Variants in TMOD1 observed in about 807,000 individuals in gnomAD.
TMOD1 encodes the protein tropomodulin 1.
In TMOD1, 17 loss-of-function variants were observed where a neutral mutation model predicts 40.6. That is an observed-to-expected ratio of 0.42 (90% confidence interval 0.29 to 0.63). TMOD1 has a LOEUF of 0.63. TMOD1 is among the 20% of genes least tolerant of loss of function. The probability of loss-of-function intolerance (pLI) is 0.22; values close to 1 mark genes in which losing one functional copy is unlikely to be tolerated. For synonymous variants in TMOD1, 181 were observed against 175.0 expected (o/e 1.03, Z -0.27); for missense variants, 391 against 447.6 (o/e 0.87, Z 1.14).
intron 8 of TMOD1, among the ~76,000 whole-genome samples, chr9:97,582,183 G>A (rs1374451420): frequency 6.6e-6 from 1 of 151,208 alleles, no homozygotes; most frequent in African/African-American, 2.4e-5. Flanking sequence ...TGTAGAAGGT[G>A]TAAGGAAGGG....
At position 97,548,060 on chromosome 9, in the gene TMOD1, C is replaced by T. The variant is rs144321332; in HGVS notation, c.277+1719C>T. Among the ~76,000 whole-genome samples, 215 of 152,236 alleles carry T rather than the reference C, an allele frequency of 1.4e-3. 1 individual carries two copies. Among genetic ancestry groups the T allele is most frequent in the Non-Finnish European group, 2.1e-3 (143 of 68,022 alleles). The stretch of plus-strand genomic sequence containing the variant: ...TTTTGTTCCTGGCACCTAATAAATC[C>T]GTAGCACATAGAAGGCACCTAATAA... On this transcript the variant is annotated intron_variant, in intron 3 of 9. Coordinates refer to ENST00000259365, the MANE Select transcript of TMOD1 (RefSeq NM_003275.4).
intron 5 of TMOD1, 101 bp downstream of exon 5, chr9:97,562,922 C>G (rs541950349): frequency 9.9e-5 from 90 of 906,492 alleles, no homozygotes; most frequent in Non-Finnish European, 1.5e-4. Context: ...TGTTATATAG[C>G]CAAATCTGTT....
chr9:97,570,523 CT>C (rs1022315656), intron 8 of TMOD1, among the ~76,000 whole-genome samples: 22 of 147,028 alleles, frequency 1.5e-4, no homozygotes, highest in Non-Finnish European at 1.5e-4. Context: ...TGCATCAGGG[CT>C]TTTTTTTTTT....
At chr9:97,533,895 C>T (rs978371062) in intron 2 of TMOD1, among the ~76,000 whole-genome samples, 4 of 152,210 alleles carry the variant, frequency 2.6e-5, no homozygotes, top group African/African-American at 9.7e-5. Flanking sequence ...CAATCTAGGG[C>T]TGGGATGGAG....
chr9:97,600,213 G>A lies in TMOD1; in HGVS notation c.*515G>A. Reference sequence around the variant, plus strand: ...ATTAAAGTTGCCAAATTGATTACTGGATCCAGAACACAATTTTCCCCTCAG... The same window carrying A: ...ATTAAAGTTGCCAAATTGATTACTGAATCCAGAACACAATTTTCCCCTCAG... On this transcript the variant is annotated 3_prime_UTR_variant, in exon 10 of 10. Coordinates refer to ENST00000259365, the MANE Select transcript of TMOD1 (RefSeq NM_003275.4). The A allele has an allele frequency of 1.0e-6, 1 of 994,418 alleles. No homozygotes were observed. Among genetic ancestry groups the A allele is most frequent in the East Asian group, 1.1e-4 (1 of 9,494 alleles). 61.6% of individuals were successfully genotyped at this position (994,418 alleles called of 1,614,324 possible). A position where few individuals can be genotyped will look rare whatever the true frequency, so the allele number is the denominator to read the frequency against.
intron 3 of TMOD1, among the ~76,000 whole-genome samples, chr9:97,548,773 C>G (rs1170466960): frequency 6.6e-6 from 1 of 152,208 alleles, no homozygotes. Flanking sequence ...CATACAGCAA[C>G]AAGCCCAAAA....
At chr9:97,577,664 A>G (rs1221340090) in intron 8 of TMOD1, among the ~76,000 whole-genome samples, 1 of 152,080 alleles carries the variant, frequency 6.6e-6, no homozygotes, top group Non-Finnish European at 1.5e-5. Flanking sequence ...GGTGCTACTC[A>G]GGAGGCTGAG....
intron 1 of TMOD1, among the ~76,000 whole-genome samples, chr9:97,511,336 T>G (rs1829694049): frequency 6.6e-6 from 1 of 152,170 alleles, no homozygotes; most frequent in South Asian, 2.1e-4. Context: ...CTGTTAACAA[T>G]AGCTGGTCTC....
chr9:97,554,072 C>T (rs554566602), intron 4 of TMOD1, among the ~76,000 whole-genome samples: 2 of 152,034 alleles, frequency 1.3e-5, no homozygotes, highest in African/African-American at 4.8e-5. Context: ...TGGCCACATC[C>T]GGCACCTTGT....
chr9:97,509,839 C>G (rs752294871), intron 1 of TMOD1, among the ~76,000 whole-genome samples: 55 of 152,146 alleles, frequency 3.6e-4, no homozygotes, highest in African/African-American at 1.0e-3. Context: ...GAACTGATAT[C>G]TCCTTCCACA....
chr9:97,555,523 ATTG>A, intron 4 of TMOD1: 1 of 1,460,978 alleles, frequency 6.8e-7, no homozygotes, highest in South Asian at 1.5e-5. Flanking sequence ...GTGGCTATTT[ATTG>A]TTATCTGTAA....
intron 2 of TMOD1, among the ~76,000 whole-genome samples, chr9:97,528,553 A>G (rs1830050789): frequency 1.3e-5 from 2 of 152,252 alleles, no homozygotes. Context: ...TTTGCAAGAC[A>G]GTATGTGAGC....
chr9:97,522,164 CA>C (rs1165445046), intron 1 of TMOD1, among the ~76,000 whole-genome samples: 3 of 152,220 alleles, frequency 2.0e-5, no homozygotes, highest in African/African-American at 7.2e-5. Flanking sequence ...GCTTAAATAA[CA>C]GAAACGTACT....
chr9:97,574,683 T>G (rs1233001561), intron 8 of TMOD1, among the ~76,000 whole-genome samples: 2 of 152,354 alleles, frequency 1.3e-5, no homozygotes, highest in Non-Finnish European at 2.9e-5. Flanking sequence ...GGCTAAGGGA[T>G]GGCAAATCCA....
Position 97,600,954 on chromosome 9 carries a change from A to C in TMOD1, c.*1256A>C, listed in dbSNP as rs762701432. On this transcript the variant is annotated 3_prime_UTR_variant, in exon 10 of 10. Transcript: ENST00000259365. Reference sequence around the variant, plus strand: ...GGGAGTTATTTTCATTAGTGATTTCAGCAAATCTCATGATAAAGGACAAGG... The same window carrying C: ...GGGAGTTATTTTCATTAGTGATTTCCGCAAATCTCATGATAAAGGACAAGG... 3 of 1,140,536 alleles carry C rather than the reference A, an allele frequency of 2.6e-6. No homozygotes were observed. The highest frequency in any genetic ancestry group is 4.6e-5 in the Admixed American group (1 of 21,928). 70.7% of individuals were successfully genotyped at this position (1,140,536 alleles called of 1,614,324 possible).
chr9:97,577,305 G>A (rs143630861), intron 8 of TMOD1, among the ~76,000 whole-genome samples: 5 of 152,268 alleles, frequency 3.3e-5, no homozygotes, highest in East Asian at 1.9e-4. Flanking sequence ...CACCATCTGC[G>A]TGTAGTTCCT....
intron 4 of TMOD1, among the ~76,000 whole-genome samples, chr9:97,556,112 T>G: frequency 1.4e-5 from 2 of 144,922 alleles, no homozygotes; most frequent in Admixed American, 6.9e-5. Flanking sequence ...GAGGGGGTGT[T>G]CTGGAGGATG....
intron 2 of TMOD1, among the ~76,000 whole-genome samples, chr9:97,527,131 TTTC>T (rs1478663892): frequency 6.6e-6 from 1 of 152,186 alleles, no homozygotes; most frequent in African/African-American, 2.4e-5. Flanking sequence ...TTAGCCTGTG[TTTC>T]AGTAAAAACA....
chr9:97,543,155 T>C (rs1043818345), intron 2 of TMOD1, among the ~76,000 whole-genome samples: 2 of 152,222 alleles, frequency 1.3e-5, no homozygotes, highest in Admixed American at 6.5e-5. Flanking sequence ...ATTTCTTCTA[T>C]CGCAATACTT....
Sources: allele counts gnomAD v4.1 joint callset (sites outside exome capture counted in the v4.1 genomes callset), GRCh38; gene constraint gnomAD v4.1.1; transcripts MANE v1.5; gene names NCBI Gene and HGNC (gene_info 2026-07-23, HGNC 2026-07-21).